The following CDYL variants were observed in gnomAD, a reference collection of about 807,000 sequenced individuals.
CDYL encodes the protein chromodomain Y like.
In CDYL, 8 loss-of-function variants were observed where a neutral mutation model predicts 47.3. That is an observed-to-expected ratio of 0.17 (90% CI 0.10 to 0.31). The LOEUF is 0.31. Ranked by LOEUF, CDYL falls within the 10% of genes least tolerant of loss-of-function variation. CDYL has a pLI of 1.00. For synonymous variants in CDYL, 266 were observed against 265.0 expected, an observed-to-expected ratio of 1.00 and a Z score of -0.04; for missense variants, 471 against 701.4, an observed-to-expected ratio of 0.67 and a Z score of 3.71.
chr6:4,845,610 G>T (rs573739964), intron 1 of CDYL, among the ~76,000 whole-genome samples: 51 of 152,162 alleles, frequency 3.4e-4, no homozygotes, highest in Admixed American at 3.1e-3. Flanking sequence ...CGCTTTCTTG[G>T]CCACAGCTAT....
intron 1 of CDYL, among the ~76,000 whole-genome samples, chr6:4,830,266 G>C (rs1321283575): frequency 6.6e-6 from 1 of 152,208 alleles, no homozygotes; most frequent in African/African-American, 2.4e-5. Context: ...AATAAACAGT[G>C]TTAATAAATC....
At chr6:4,938,647 G>C (rs1259321774) in intron 4 of CDYL, among the ~76,000 whole-genome samples, 1 of 152,032 alleles carries the variant, frequency 6.6e-6, no homozygotes, top group Admixed American at 6.5e-5. Context: ...CATTAACTGT[G>C]GTCACCATGA....
intron 1 of CDYL, among the ~76,000 whole-genome samples, chr6:4,858,094 C>T (rs912221012): frequency 6.7e-6 from 1 of 148,794 alleles, no homozygotes; most frequent in African/African-American, 2.5e-5. Flanking sequence ...CAAAATTGTG[C>T]TTATTTCTGA....
chr6:4,752,111 A>G (rs1233421043), intron 3 of CDYL, among the ~76,000 whole-genome samples: 1 of 152,240 alleles, frequency 6.6e-6, no homozygotes, highest in Non-Finnish European at 1.5e-5. Flanking sequence ...CAATTAGCAC[A>G]GGGACAGCAG....
chr6:4,937,817 C>A, intron 4 of CDYL, 80 bp downstream of exon 4: 1 of 1,117,206 alleles, frequency 9.0e-7, no homozygotes, highest in Non-Finnish European at 1.3e-6. Context: ...TGGGCCTGAC[C>A]AAGCCTTGAG....
intron 3 of CDYL, among the ~76,000 whole-genome samples, chr6:4,760,836 T>C (rs1048388745): frequency 1.3e-5 from 2 of 150,852 alleles, no homozygotes; most frequent in African/African-American, 4.9e-5. Context: ...ACTAGATAAA[T>C]CAGTGAGCCT....
At chr6:4,811,363 T>A (rs3748078) in intron 1 of CDYL, among the ~76,000 whole-genome samples, 33,167 of 152,116 alleles carry the variant, frequency 0.22, 5,249 homozygotes, top group African/African-American at 0.46. Context: ...ATAGCATTTT[T>A]AAAAGTACCT....
intron 1 of CDYL, among the ~76,000 whole-genome samples, chr6:4,853,186 C>G (rs990959971): frequency 6.6e-6 from 1 of 152,180 alleles, no homozygotes; most frequent in South Asian, 2.1e-4. Context: ...CTTCCTCATG[C>G]AGTTGATGAC....
chr6:4,884,687 A>T (rs1159975197), intron 1 of CDYL, among the ~76,000 whole-genome samples: 4 of 152,190 alleles, frequency 2.6e-5, no homozygotes, highest in Non-Finnish European at 4.4e-5. Context: ...GCGCTGTAGG[A>T]TAAAGATGGG....
chr6:4,942,039 A>G (rs1758374166), intron 4 of CDYL, among the ~76,000 whole-genome samples: 1 of 152,210 alleles, frequency 6.6e-6, no homozygotes, highest in Non-Finnish European at 1.5e-5. Flanking sequence ...CACAACTGAA[A>G]TAGCTTCATG....
intron 6 of CDYL, 58 bp from the exon 7 acceptor site, chr6:4,953,840 G>T: frequency 6.5e-7 from 1 of 1,532,846 alleles, no homozygotes; most frequent in South Asian, 1.2e-5. Context: ...TGGAGGCACA[G>T]GGGACCCGTG....
At chr6:4,753,199 C>T (rs763169053) in intron 3 of CDYL, among the ~76,000 whole-genome samples, 3 of 152,208 alleles carry the variant, frequency 2.0e-5, no homozygotes, top group South Asian at 4.1e-4. Context: ...GCATGAGCCA[C>T]GGTGCCTGGC....
At chr6:4,754,693 G>A (rs911951939) in intron 3 of CDYL, among the ~76,000 whole-genome samples, 8 of 152,038 alleles carry the variant, frequency 5.3e-5, no homozygotes, top group Non-Finnish European at 8.8e-5. Context: ...TGCTCTGATT[G>A]GTACTTTAAT....
At chr6:4,764,610 A>G (rs1758224712) in intron 3 of CDYL, among the ~76,000 whole-genome samples, 1 of 152,172 alleles carries the variant, frequency 6.6e-6, no homozygotes, top group African/African-American at 2.4e-5. Context: ...CTTAATATCA[A>G]AGTAGACAAT....
chr6:4,741,083 A>T (rs1172526205), intron 3 of CDYL, among the ~76,000 whole-genome samples: 1 of 152,276 alleles, frequency 6.6e-6, no homozygotes, highest in South Asian at 2.1e-4. Context: ...CAACACACCT[A>T]GCCTCTATAA....
intron 1 of CDYL, among the ~76,000 whole-genome samples, chr6:4,790,442 CAA>C (rs1758887622): frequency 6.6e-6 from 1 of 152,176 alleles, no homozygotes; most frequent in African/African-American, 2.4e-5. Context: ...TTAACAACAA[CAA>C]ACTCATTTTT....
At position 4,892,154 on chromosome 6, in the gene CDYL, G is replaced by T; in HGVS notation, c.466G>T (p.Asp156Tyr). The T allele has an allele frequency of 6.2e-7, 1 of 1,614,248 alleles. No individual in the cohort carries two copies. Among genetic ancestry groups the T allele is most frequent in the Non-Finnish European group, 8.5e-7 (1 of 1,180,048 alleles). The part of the protein sequence containing the change: ...KSPVKSRTAV[D>Y]GFQSESPEKL... The stretch of plus-strand genomic sequence containing the variant: ...CCCCGTTAAGAGCAGGACCGCAGTG[G>T]ACGGCTTTCAGAGCGAGAGCCCTGA... Residue 156 changes from aspartate (D) to tyrosine (Y), a missense_variant, in exon 2 of 7, where the codon GAC becomes TAC. Transcript: ENST00000397588.
chr6:4,880,334 C>T (rs922569518), intron 1 of CDYL, among the ~76,000 whole-genome samples: 8 of 152,016 alleles, frequency 5.3e-5, no homozygotes, highest in African/African-American at 1.9e-4. Flanking sequence ...GTTTAAGGTT[C>T]CTCTGTGTCC....
chr6:4,739,706 A>G (rs905677041), intron 3 of CDYL, among the ~76,000 whole-genome samples: 3 of 152,034 alleles, frequency 2.0e-5, no homozygotes, highest in African/African-American at 7.2e-5. Flanking sequence ...GTAATCCCAG[A>G]ACTTTGGGAG....
Sources: allele counts gnomAD v4.1 joint callset (sites outside exome capture counted in the v4.1 genomes callset), GRCh38; gene constraint gnomAD v4.1.1; transcripts MANE v1.5; gene names NCBI Gene and HGNC (gene_info 2026-07-23, HGNC 2026-07-21).